The following CA8 variants were observed in gnomAD, a reference collection of about 807,000 sequenced individuals.
CA8 encodes carbonic anhydrase 8 (inactive), also known as carbonic anhydrase-related protein.
CA8 carries 22 observed loss-of-function variants against 41.4 expected under a neutral mutation model. The ratio of observed to expected loss-of-function variants is 0.53; its 90% CI spans 0.38 to 0.76. The LOEUF (loss-of-function observed/expected upper bound fraction) is 0.76. Among genes scored for constraint, CA8 ranks in the 30% least tolerant of loss-of-function variants. CA8 has a pLI of 0.00. For synonymous variants in CA8, 121 were observed against 130.6 expected, an observed-to-expected ratio of 0.93 and a Z score of 0.50; for missense variants, 270 against 352.8, an observed-to-expected ratio of 0.77 and a Z score of 1.88.
intron 4 of CA8, among the ~76,000 whole-genome samples, chr8:60,228,997 G>T (rs181147674): frequency 2.0e-5 from 3 of 152,106 alleles, no homozygotes; most frequent in African/African-American, 7.2e-5. Context: ...CTAAAACCGT[G>T]CAAGCAGCTG....
At chr8:60,234,276 G>A (rs985659845) in intron 3 of CA8, among the ~76,000 whole-genome samples, 1 of 152,160 alleles carries the variant, frequency 6.6e-6, no homozygotes, top group East Asian at 1.9e-4. Flanking sequence ...TGAGAAAAAT[G>A]TCACAGCCAA....
At chr8:60,229,875 A>T (rs958402300) in intron 4 of CA8, among the ~76,000 whole-genome samples, 1 of 151,810 alleles carries the variant, frequency 6.6e-6, no homozygotes, top group African/African-American at 2.4e-5. Context: ...TAATCCTTTT[A>T]CCTCCTAAAT....
chr8:60,213,030 T>C (rs1023888368), intron 7 of CA8, among the ~76,000 whole-genome samples: 5 of 152,192 alleles, frequency 3.3e-5, no homozygotes, highest in African/African-American at 7.2e-5. Flanking sequence ...GAGACAGATA[T>C]AGACAGAGAG....
chr8:60,268,005 C>G (rs1372902558), intron 2 of CA8, among the ~76,000 whole-genome samples: 2 of 152,110 alleles, frequency 1.3e-5, no homozygotes, highest in Admixed American at 6.5e-5. Context: ...TTAAGAAAAA[C>G]CAGGAAGGAG....
At chr8:60,241,589 T>C (rs971391229) in intron 3 of CA8, among the ~76,000 whole-genome samples, 3 of 152,202 alleles carry the variant, frequency 2.0e-5, no homozygotes, top group Non-Finnish European at 4.4e-5. Flanking sequence ...TGAAATTCAC[T>C]ATAAAAGATT....
intron 2 of CA8, among the ~76,000 whole-genome samples, chr8:60,269,153 A>C (rs975777602): frequency 6.6e-6 from 1 of 152,210 alleles, no homozygotes; most frequent in African/African-American, 2.4e-5. Context: ...GATTGTGTTT[A>C]TGGACTAAAA....
At chr8:60,228,374 T>C (rs1369306597) in intron 4 of CA8, among the ~76,000 whole-genome samples, 1 of 152,266 alleles carries the variant, frequency 6.6e-6, no homozygotes, top group African/African-American at 2.4e-5. Flanking sequence ...AATGGACTTC[T>C]CTTTTGTCTT....
At chr8:60,196,037 A>G (rs1428231829) in intron 8 of CA8, among the ~76,000 whole-genome samples, 2 of 152,164 alleles carry the variant, frequency 1.3e-5, no homozygotes, top group Non-Finnish European at 2.9e-5. Flanking sequence ...AGTACTAGAT[A>G]ATGAAATGAA....
At chr8:60,220,853 T>C (rs753818001) in intron 7 of CA8, among the ~76,000 whole-genome samples, 1 of 152,218 alleles carries the variant, frequency 6.6e-6, no homozygotes, top group Non-Finnish European at 1.5e-5. Flanking sequence ...CTGTTTCTAC[T>C]ACTGGCCCTC....
intron 8 of CA8, among the ~76,000 whole-genome samples, chr8:60,206,170 C>T (rs1460581103): frequency 1.3e-5 from 2 of 152,142 alleles, no homozygotes; most frequent in South Asian, 4.1e-4. Flanking sequence ...CAAATTATCC[C>T]CTTTAAGTAA....
intron 2 of CA8, among the ~76,000 whole-genome samples, chr8:60,279,042 C>T (rs1804328151): frequency 6.6e-6 from 1 of 152,132 alleles, no homozygotes; most frequent in Non-Finnish European, 1.5e-5. Flanking sequence ...TACCTAACAA[C>T]TTTTGCACAG....
intron 3 of CA8, among the ~76,000 whole-genome samples, chr8:60,232,937 G>T (rs1807707193): frequency 6.6e-6 from 1 of 152,058 alleles, no homozygotes; most frequent in African/African-American, 2.4e-5. Context: ...ATCTCTAAAA[G>T]AAGGCGATTT....
At chr8:60,220,289 G>A (rs1807200927) in intron 7 of CA8, among the ~76,000 whole-genome samples, 1 of 152,132 alleles carries the variant, frequency 6.6e-6, no homozygotes, top group Non-Finnish European at 1.5e-5. Context: ...AGGAGGAATG[G>A]TATTGCAGAA....
At chr8:60,233,403 A>G (rs1306558446) in intron 3 of CA8, among the ~76,000 whole-genome samples, 1 of 152,196 alleles carries the variant, frequency 6.6e-6, no homozygotes, top group Admixed American at 6.5e-5. Flanking sequence ...ATATTATAAA[A>G]CTGACCACTA....
chr8:60,205,347 C>G (rs1391960045), intron 8 of CA8, among the ~76,000 whole-genome samples: 1 of 152,024 alleles, frequency 6.6e-6, no homozygotes, highest in Non-Finnish European at 1.5e-5. Context: ...GTCAGAACAG[C>G]CTTTTAAAAA....
At chr8:60,219,135 T>C (rs1807139887) in intron 7 of CA8, among the ~76,000 whole-genome samples, 1 of 151,344 alleles carries the variant, frequency 6.6e-6, no homozygotes, top group Non-Finnish European at 1.5e-5. Context: ...ATTCTTTTCT[T>C]GGGTGTCTTA....
Position 60,196,096 on chromosome 8 carries a change from T to C in CA8, c.*36-6111A>G, listed in dbSNP as rs181601877. On this transcript the variant is annotated intron_variant, in intron 8 of 8. Transcript: ENST00000317995. The stretch of plus-strand genomic sequence containing the variant: ...AAACTGTCATGATCGTTGGGTGTTA[T>C]CAGTGTCTATCTGGAAAACTCAAAA... 5.0e-3 allele frequency among the ~76,000 whole-genome samples: 769 copies of C among 152,278 alleles called. 5 individuals are homozygous for C. The highest frequency in any genetic ancestry group is 0.011 in the Admixed American group (166 of 15,276).
rs370080037 is a variant in CA8, at chr8:60,186,838, T to C, written c.*3183A>G. ...AGAAGGACAAAAGTCCCAAAATGAA[T>C]GTAGAAAAAAACTGACAGAATTGAA... is the stretch of plus-strand genomic sequence containing the variant. On this transcript the variant is annotated 3_prime_UTR_variant, in exon 9 of 9. Transcript: ENST00000317995. Among the ~76,000 whole-genome samples the C allele has an allele frequency of 3.3e-5, 5 of 151,930 alleles. 1 individual carries two copies. In the South Asian group the frequency reaches 1.0e-3, roughly 32 times the overall value.
At chr8:60,191,187 T>G (rs969547749) in intron 8 of CA8, among the ~76,000 whole-genome samples, 1 of 151,964 alleles carries the variant, frequency 6.6e-6, no homozygotes, top group African/African-American at 2.4e-5. Flanking sequence ...CAGAAAATAT[T>G]GTAGATATTT....
Sources: allele counts gnomAD v4.1 joint callset (sites outside exome capture counted in the v4.1 genomes callset), GRCh38; gene constraint gnomAD v4.1.1; transcripts MANE v1.5; gene names NCBI Gene and HGNC (gene_info 2026-07-23, HGNC 2026-07-21).